Variants in FTO observed in about 807,000 individuals in gnomAD.
FTO encodes FTO alpha-ketoglutarate dependent dioxygenase.
A neutral mutation model predicts 63.9 loss-of-function variants in FTO; 47 were observed. That is an observed-to-expected ratio of 0.74 (90% CI 0.58 to 0.94). FTO has a LOEUF of 0.94. FTO is among the 40% of genes least tolerant of loss of function. FTO has a pLI of 0.00. For synonymous variants in FTO, 207 were observed against 224.4 expected (o/e 0.92, Z 0.69); for missense variants, 562 against 618.1 (o/e 0.91, Z 0.96).
At chr16:54,001,389 C>G (rs180938618) in intron 8 of FTO, among the ~76,000 whole-genome samples, 28 of 152,206 alleles carry the variant, frequency 1.8e-4, no homozygotes, top group Admixed American at 1.6e-3. Flanking sequence ...GAGTATGATT[C>G]CGTACCATGA....
intron 1 of FTO, among the ~76,000 whole-genome samples, chr16:53,724,945 C>T (rs534976167): frequency 1.3e-5 from 2 of 152,246 alleles, no homozygotes; most frequent in South Asian, 4.1e-4. Flanking sequence ...GTAAAATTTT[C>T]TTAGGATCTG....
rs1191469284 is a variant in FTO at position 54,118,447 on chromosome 16, C to A, written c.*6532C>A. On this transcript the variant is annotated 3_prime_UTR_variant, in exon 9 of 9. Transcript: ENST00000471389. ...AGATCACGGCTCACTGCAGCCTCGA[C>A]TTCATGGGCTCAAGCGATTCTCCTG... 6.6e-6 allele frequency: 1 copy of A among 150,578 alleles called. No homozygotes were observed. Among genetic ancestry groups the A allele is most frequent in the Non-Finnish European group, 1.5e-5 (1 of 67,864 alleles). 9.3% of individuals were successfully genotyped at this position (150,578 alleles called of 1,614,324 possible).
chr16:53,726,315 C>T (rs375883318), intron 1 of FTO, among the ~76,000 whole-genome samples: 4 of 152,154 alleles, frequency 2.6e-5, no homozygotes, highest in African/African-American at 7.2e-5. Context: ...TGAAACTCGT[C>T]CTTCTTAAAG....
upstream of FTO, chr16:53,704,023 C>CG: frequency 1.3e-6 from 1 of 770,244 alleles, no homozygotes; most frequent in South Asian, 1.5e-5. Context: ...GTGGCGCTCG[C>CG]GGGTGTCGCC....
intron 1 of FTO, among the ~76,000 whole-genome samples, chr16:53,727,394 C>T (rs1286858087): frequency 6.6e-6 from 1 of 152,100 alleles, no homozygotes; most frequent in East Asian, 1.9e-4. Flanking sequence ...TATGTGACTG[C>T]GAATGAAAGG....
intron 4 of FTO, among the ~76,000 whole-genome samples, chr16:53,871,908 G>A (rs926669362): frequency 1.3e-5 from 2 of 152,002 alleles, no homozygotes; most frequent in African/African-American, 4.8e-5. Flanking sequence ...TGTATTTTTA[G>A]TAGAGACAGG....
intron 1 of FTO, among the ~76,000 whole-genome samples, chr16:53,719,623 T>G (rs1323464637): frequency 1.3e-5 from 2 of 149,554 alleles, no homozygotes; most frequent in African/African-American, 5.0e-5. Flanking sequence ...CTATATTTGC[T>G]GGTAGTCTGT....
At chr16:54,074,942 G>GTGTGTGTGTGTGTGTA (rs1555506077) in intron 8 of FTO, among the ~76,000 whole-genome samples, 328 of 148,620 alleles carry the variant, frequency 2.2e-3, no homozygotes, top group African/African-American at 7.8e-3. Context: ...GTGTGTGTGT[G>GTGTGTGTGTGTGTGTA]TGTGTGTGTG....
intron 8 of FTO, among the ~76,000 whole-genome samples, chr16:53,942,954 C>T (rs1339520676): frequency 6.6e-6 from 1 of 152,110 alleles, no homozygotes; most frequent in Non-Finnish European, 1.5e-5. Context: ...TTGGGGTGGG[C>T]ATGAGGAATA....
chr16:54,091,128 GTTGGAGGCCATGT>G (rs1401075103), intron 8 of FTO, among the ~76,000 whole-genome samples: 1 of 152,112 alleles, frequency 6.6e-6, no homozygotes, highest in Admixed American at 6.5e-5. Context: ...GGTGTGGTCC[GTTGGAGGCCATGT>G]TTGGAGGCTA....
At chr16:53,745,968 T>C (rs943252176) in intron 1 of FTO, among the ~76,000 whole-genome samples, 1 of 152,178 alleles carries the variant, frequency 6.6e-6, no homozygotes, top group African/African-American at 2.4e-5. Context: ...TATATACTTA[T>C]ACCTTAGCAA....
At chr16:53,959,741 A>G (rs2083025976) in intron 8 of FTO, among the ~76,000 whole-genome samples, 1 of 152,080 alleles carries the variant, frequency 6.6e-6, no homozygotes, top group African/African-American at 2.4e-5. Context: ...ACCCCAGCCT[A>G]ATTCTGGAGC....
At chr16:53,934,819 G>A (rs970135826) in intron 8 of FTO, among the ~76,000 whole-genome samples, 13 of 152,248 alleles carry the variant, frequency 8.5e-5, no homozygotes, top group Admixed American at 6.5e-4. Context: ...AAGGTTCGCC[G>A]TTGACCAAAA....
intron 8 of FTO, among the ~76,000 whole-genome samples, chr16:54,104,313 C>CTTT (rs71146725): frequency 1.5e-5 from 2 of 132,076 alleles, no homozygotes; most frequent in Non-Finnish European, 3.2e-5. Flanking sequence ...CCTGAGGCCT[C>CTTT]TTTTTTTTTT....
intron 1 of FTO, among the ~76,000 whole-genome samples, chr16:53,776,553 T>C (rs1470662989): frequency 1.3e-5 from 2 of 152,206 alleles, no homozygotes; most frequent in Non-Finnish European, 2.9e-5. Flanking sequence ...GTTAAACCTA[T>C]CAATATTTAC....
intron 8 of FTO, among the ~76,000 whole-genome samples, chr16:54,027,856 G>T (rs1471613511): frequency 6.6e-6 from 1 of 152,132 alleles, no homozygotes; most frequent in Non-Finnish European, 1.5e-5. Flanking sequence ...CTCTCCCTAA[G>T]TCCCTCTTGT....
At chr16:54,107,134 A>G (rs1412038273) in intron 8 of FTO, among the ~76,000 whole-genome samples, 2 of 150,442 alleles carry the variant, frequency 1.3e-5, no homozygotes, top group African/African-American at 4.9e-5. Context: ...TATGTTTACA[A>G]TATTTTATGT....
At chr16:53,719,330 CAA>C (rs1173056048) in intron 1 of FTO, among the ~76,000 whole-genome samples, 1 of 148,628 alleles carries the variant, frequency 6.7e-6, no homozygotes, top group Non-Finnish European at 1.5e-5. Flanking sequence ...CTCCCGGGCT[CAA>C]ACAGTTCTCC....
intron 8 of FTO, among the ~76,000 whole-genome samples, chr16:54,103,230 A>G (rs1339875771): frequency 1.3e-5 from 2 of 152,204 alleles, no homozygotes; most frequent in Non-Finnish European, 2.9e-5. Flanking sequence ...ATTCAAAAGC[A>G]CTTCAGGTAT....
Sources: allele counts gnomAD v4.1 joint callset (sites outside exome capture counted in the v4.1 genomes callset), GRCh38; gene constraint gnomAD v4.1.1; transcripts MANE v1.5; gene names NCBI Gene and HGNC (gene_info 2026-07-23, HGNC 2026-07-21).